The following KLHL23 variants were observed in gnomAD, a reference collection of about 807,000 sequenced individuals.
KLHL23 encodes kelch-like protein 23.
Under a neutral mutation model 48.9 loss-of-function variants are expected in KLHL23, and 33 were observed. The ratio of observed to expected loss-of-function variants is 0.67; its 90% confidence interval spans 0.51 to 0.90. KLHL23 has a LOEUF of 0.90. KLHL23 is among the 40% of genes least tolerant of loss of function. The pLI is 0.00. For synonymous variants in KLHL23, 234 were observed against 231.6 expected, an observed-to-expected ratio of 1.01 and a Z score of -0.09; for missense variants, 608 against 669.6, an observed-to-expected ratio of 0.91 and a Z score of 1.02.
chr2:169,746,224 C>G (rs1688792052), intron 3 of KLHL23, among the ~76,000 whole-genome samples: 1 of 152,220 alleles, frequency 6.6e-6, no homozygotes. Context: ...AGACTAAGCT[C>G]TTGGGCCTTA....
At chr2:169,740,715 T>G (rs1031384592) in intron 2 of KLHL23, among the ~76,000 whole-genome samples, 2 of 148,208 alleles carry the variant, frequency 1.3e-5, no homozygotes, top group Non-Finnish European at 3.0e-5. Context: ...CCCAAAGTGC[T>G]GGGATTACAG....
chr2:169,743,246 TAAGA>T (rs1688718123), intron 3 of KLHL23, among the ~76,000 whole-genome samples: 1 of 152,198 alleles, frequency 6.6e-6, no homozygotes, highest in African/African-American at 2.4e-5. Context: ...TATATGTCAT[TAAGA>T]GTTTCCCTCA....
intron 3 of KLHL23, among the ~76,000 whole-genome samples, chr2:169,745,862 A>T (rs1688784568): frequency 6.6e-6 from 1 of 152,220 alleles, no homozygotes; most frequent in Non-Finnish European, 1.5e-5. Context: ...GTTTAGAGCA[A>T]AGGAATCATT....
chr2:169,747,739 T>C (rs2105657364), intron 3 of KLHL23, among the ~76,000 whole-genome samples: 1 of 152,272 alleles, frequency 6.6e-6, no homozygotes, highest in Non-Finnish European at 1.5e-5. Context: ...CACATATTTA[T>C]CGAATTCTCA....
intron 1 of KLHL23, 65 bp from the exon 2 acceptor site, chr2:169,734,948 A>G: frequency 6.7e-7 from 1 of 1,495,302 alleles, no homozygotes; most frequent in Non-Finnish European, 8.9e-7. Flanking sequence ...CAAGTTATTT[A>G]GCGTTGATTA....
intron 2 of KLHL23, among the ~76,000 whole-genome samples, chr2:169,738,491 T>C (rs986965148): frequency 6.6e-6 from 1 of 152,172 alleles, no homozygotes; most frequent in Admixed American, 6.5e-5. Flanking sequence ...TGAAGTGAAA[T>C]AGCAGCTTTC....
chr2:169,736,845 T>C (rs576083070), intron 2 of KLHL23, among the ~76,000 whole-genome samples: 38 of 152,362 alleles, frequency 2.5e-4, no homozygotes, highest in South Asian at 1.0e-3. Context: ...TATTCATTGG[T>C]GCTGAGGAGT....
intron 2 of KLHL23, among the ~76,000 whole-genome samples, chr2:169,737,294 C>T (rs1000332388): frequency 7.2e-5 from 11 of 152,138 alleles, no homozygotes; most frequent in Non-Finnish European, 1.3e-4. Flanking sequence ...TCCTGAATGT[C>T]GGTATTGAAG....
intron 2 of KLHL23, among the ~76,000 whole-genome samples, chr2:169,738,262 T>C (rs1444105627): frequency 2.7e-5 from 4 of 150,342 alleles, no homozygotes; most frequent in African/African-American, 7.4e-5. Context: ...ATTTTTAAAA[T>C]TTTATTTTTA....
intron 2 of KLHL23, chr2:169,740,884 G>A (rs1360589499): frequency 2.0e-5 from 3 of 150,934 alleles, no homozygotes; most frequent in African/African-American, 7.3e-5. Flanking sequence ...ACAGGGTCAG[G>A]ATCATCAATG....
intron 2 of KLHL23, among the ~76,000 whole-genome samples, chr2:169,740,772 A>ATT (rs1688657655): frequency 2.2e-5 from 2 of 89,714 alleles, no homozygotes; most frequent in African/African-American, 1.2e-4. Flanking sequence ...TATATTATAT[A>ATT]TATATATATA....
In KLHL23 at chr2:169,734,046, C is replaced by G. The variant is rs1037379752; in HGVS notation, c.-44C>G. ...GAGGCGTCCCCGCTCCCGCTCGCTA[C>G]TAGCCCGCGGGCCAGCGCCGCGTCC... is the stretch of plus-strand genomic sequence containing the variant. On this transcript the variant is annotated 5_prime_UTR_variant, in exon 1 of 4. It introduces an in-frame stop codon into an upstream open reading frame of the 5' UTR. Coordinates refer to ENST00000392647, the MANE Select transcript of KLHL23 (RefSeq NM_144711.6). 2 of 151,654 alleles carry G rather than the reference C, an allele frequency of 1.3e-5. No homozygotes were observed. The highest frequency in any genetic ancestry group is 4.8e-5 in the African/African-American group (2 of 41,374). 9.4% of individuals were successfully genotyped at this position (151,654 alleles called of 1,614,324 possible). A position where few individuals can be genotyped will look rare whatever the true frequency, so the allele number is the denominator to read the frequency against.
At chr2:169,741,755 A>G (rs1297469336) in intron 3 of KLHL23, among the ~76,000 whole-genome samples, 1 of 152,184 alleles carries the variant, frequency 6.6e-6, no homozygotes, top group Non-Finnish European at 1.5e-5. Context: ...TGATGTCTTT[A>G]TACAATGCAC....
intron 3 of KLHL23, among the ~76,000 whole-genome samples, chr2:169,743,235 G>A (rs1688717547): frequency 6.6e-6 from 1 of 152,134 alleles, no homozygotes; most frequent in Non-Finnish European, 1.5e-5. Flanking sequence ...TAAATTTAAT[G>A]TATATGTCAT....
intron 3 of KLHL23, among the ~76,000 whole-genome samples, chr2:169,744,704 G>A (rs1002914589): frequency 6.6e-6 from 1 of 151,800 alleles, no homozygotes; most frequent in Non-Finnish European, 1.5e-5. Context: ...GATTACAGGC[G>A]CTGCTACTTT....
intron 3 of KLHL23, among the ~76,000 whole-genome samples, chr2:169,745,800 G>A (rs1008356422): frequency 3.9e-5 from 6 of 152,184 alleles, no homozygotes; most frequent in Admixed American, 1.3e-4. Flanking sequence ...GTATACTGAA[G>A]GAGAAGCTGA....
At chr2:169,740,222 C>T (rs1574523417) in intron 2 of KLHL23, among the ~76,000 whole-genome samples, 1 of 152,248 alleles carries the variant, frequency 6.6e-6, no homozygotes, top group Admixed American at 6.5e-5. Context: ...AAGCAATCCT[C>T]CCACCTCAGC....
intron 3 of KLHL23, among the ~76,000 whole-genome samples, chr2:169,748,874 C>T (rs531047827): frequency 6.6e-6 from 1 of 151,298 alleles, no homozygotes; most frequent in South Asian, 2.1e-4. Flanking sequence ...GGATGATAGA[C>T]TGTCATGCCC....
intron 2 of KLHL23, 175 bp from the exon 3 acceptor site, chr2:169,741,210 C>T: frequency 1.4e-6 from 1 of 717,428 alleles, no homozygotes; most frequent in Non-Finnish European, 2.1e-6. Context: ...GTCTCACCCT[C>T]TCTTAAGAGC....
Sources: gnomAD v4.1 joint callset for allele counts (sites outside exome capture counted in the v4.1 genomes callset) on GRCh38, gnomAD v4.1.1 for gene constraint, MANE v1.5 for transcripts, NCBI Gene and HGNC (gene_info 2026-07-23, HGNC 2026-07-21) for gene names.